Variants in SLC6A19 observed in about 807,000 individuals in gnomAD.
SLC6A19 encodes the protein sodium-dependent neutral amino acid transporter B(0)AT1.
In SLC6A19, 67 loss-of-function variants were observed where a neutral mutation model predicts 68.3. That is an observed-to-expected ratio of 0.98 (90% confidence interval 0.81 to 1.20). The LOEUF is 1.20. Among genes scored for constraint, SLC6A19 ranks in the 50% most tolerant of loss-of-function variants. The pLI, the probability that SLC6A19 is intolerant of heterozygous loss-of-function variation, is 0.00. For missense variants in SLC6A19, 813 were observed against 851.6 expected (o/e 0.95, Z 0.56); for synonymous variants, 392 against 374.9 (o/e 1.05, Z -0.53).
chr5:1,211,828 G>A (rs55641226), intron 3 of SLC6A19, among the ~76,000 whole-genome samples: 3,146 of 149,918 alleles, frequency 0.021, 54 homozygotes, highest in Non-Finnish European at 0.029. Context: ...GTGTGTGTGT[G>A]CATGTGCATG....
chr5:1,218,151 C>A (rs1017013991), intron 8 of SLC6A19, among the ~76,000 whole-genome samples: 1 of 152,240 alleles, frequency 6.6e-6, no homozygotes, highest in Non-Finnish European at 1.5e-5. Context: ...GAGCCCTCCA[C>A]AAGCCACGTC....
chr5:1,209,404 G>C lies in SLC6A19; in HGVS notation c.343+518G>C, dbSNP rs922041711. Among the ~76,000 whole-genome samples, 1 of 152,168 alleles carries C rather than the reference G, an allele frequency of 6.6e-6. No homozygotes were observed. The highest frequency in any genetic ancestry group is 6.5e-5 in the Admixed American group (1 of 15,286). On this transcript the variant is annotated intron_variant, in intron 2 of 11. Coordinates refer to ENST00000304460, the MANE Select transcript of SLC6A19 (RefSeq NM_001003841.3). The surrounding 1 kb of genome is among the most constrained non-coding windows in gnomAD (Gnocchi z 5.5). Reference sequence around the variant, plus strand: ...GACGGTGAAAGACGGAGGAGGAAAGGGCAGGGTCCACTCCAGAGAGGAGTC... The same window carrying C: ...GACGGTGAAAGACGGAGGAGGAAAGCGCAGGGTCCACTCCAGAGAGGAGTC...
rs369314798 is a variant in SLC6A19, at chr5:1,201,864, G to T, written c.202+12G>T. ...GAGCCACGGAGGAGGTAGGCTGGCC[G>T]GGCGGGGCTGCGGGCGAGGCCGTGG... On this transcript the variant is annotated intron_variant, in intron 1 of 11. Transcript: ENST00000304460. The T allele has an allele frequency of 1.8e-5, 29 of 1,606,182 alleles. No individual in the cohort carries two copies. In the African/African-American group the frequency reaches 2.9e-4, roughly 16 times the overall value.
At position 1,209,426 on chromosome 5, in the gene SLC6A19, A is replaced by G. The variant is rs113425984; in HGVS notation, c.343+540A>G. Among the ~76,000 whole-genome samples the G allele has an allele frequency of 4.6e-3, 707 of 152,154 alleles. 11 individuals are homozygous for G. The highest frequency in any genetic ancestry group is 0.016 in the African/African-American group (667 of 41,510). On this transcript the variant is annotated intron_variant, in intron 2 of 11. Coordinates refer to ENST00000304460, the MANE Select transcript of SLC6A19 (RefSeq NM_001003841.3). This position sits in a 1 kb window ranked among gnomAD's most constrained non-coding sequence, Gnocchi z 5.5. ...AAGGGCAGGGTCCACTCCAGAGAGG[A>G]GTCTGAGTCCAGGAAGCACCTGCCC...
At chr5:1,206,310 G>GTC (rs1745851027) in intron 1 of SLC6A19, among the ~76,000 whole-genome samples, 1 of 139,480 alleles carries the variant, frequency 7.2e-6, no homozygotes, top group African/African-American at 3.4e-5. Context: ...CTGTGTGTGT[G>GTC]TCTCTCTGTC....
chr5:1,221,286 G>A lies in SLC6A19; in HGVS notation c.1674G>A (p.Leu558=). 6.2e-7 allele frequency: 1 copy of A among 1,613,992 alleles called. No homozygotes were observed. ...TCGTGGTAGAGGTCAGTCAGGAGCT[G>A]ACCTACAGCATCTGGGACCCTGGCT... ...FFFVVEVSQE[L]TYSIWDPGYE... The change falls in exon 11 of 12, where the codon CTG becomes CTA. Residue 558 remains leucine (L), a synonymous_variant. Transcript: ENST00000304460.
In SLC6A19 at chr5:1,222,434, T is replaced by G. The variant is rs1746416715; in HGVS notation, c.*530T>G. 2.3e-6 allele frequency: 1 copy of G among 441,814 alleles called. No individual in the cohort carries two copies. Among genetic ancestry groups the G allele is most frequent in the African/African-American group, 2.0e-5 (1 of 50,944 alleles). 27.4% of individuals were successfully genotyped at this position (441,814 alleles called of 1,614,324 possible). On this transcript the variant is annotated 3_prime_UTR_variant, in exon 12 of 12. Coordinates refer to ENST00000304460, the MANE Select transcript of SLC6A19 (RefSeq NM_001003841.3). ...GTGTATATACATGCATGCAATTGTG[T>G]GTATGTGTGTTCTGTGTGTGCGTTT...
intron 4 of SLC6A19, among the ~76,000 whole-genome samples, chr5:1,213,214 T>C: frequency 2.0e-5 from 1 of 50,444 alleles, no homozygotes. Flanking sequence ...CCCCATCCAT[T>C]CCACATGCTC....
At position 1,221,937 on chromosome 5, in the gene SLC6A19, T is replaced by C. The variant is rs1473300855; in HGVS notation, c.*33T>C. Reference sequence around the variant, plus strand: ...CATCCCACGGCGTGCCATACACTGGTGTCAGGGAAGGAGGAACCAGCAAGA... The same window carrying C: ...CATCCCACGGCGTGCCATACACTGGCGTCAGGGAAGGAGGAACCAGCAAGA... On this transcript the variant is annotated 3_prime_UTR_variant, in exon 12 of 12. Transcript: ENST00000304460. 8.1e-6 allele frequency: 13 copies of C among 1,607,790 alleles called. No homozygotes were observed. The highest frequency in any genetic ancestry group is 1.3e-5 in the African/African-American group (1 of 74,772).
chr5:1,217,459 G>A (rs1746241945), intron 8 of SLC6A19, among the ~76,000 whole-genome samples: 2 of 152,236 alleles, frequency 1.3e-5, no homozygotes, highest in African/African-American at 2.4e-5. Context: ...ACAATTAAAG[G>A]TCGACATTTG....
At position 1,214,637 on chromosome 5, in the gene SLC6A19, T is replaced by C. The variant is rs1746154356; in HGVS notation, c.887+572T>C. On this transcript the variant is annotated intron_variant, in intron 6 of 11. Transcript: ENST00000304460. The surrounding 1 kb of genome is among the most constrained non-coding windows in gnomAD (Gnocchi z 7.4). ...CTGGTGCATCAGGACCTGCCCTCAG[T>C]GACCTGTGGCTCTGCAGGTTGACAA... Among the ~76,000 whole-genome samples, 1 of 152,176 alleles carries C rather than the reference T, an allele frequency of 6.6e-6. No homozygotes were observed.
rs1371220560 is a variant in SLC6A19, at chr5:1,219,573, TC to T, written c.1450del (p.Leu484CysfsTer38). 1.7e-5 allele frequency: 27 copies of T among 1,612,214 alleles called. No homozygotes were observed. The highest frequency in any genetic ancestry group is 2.3e-5 in the Non-Finnish European group (27 of 1,180,026). On this transcript the variant is annotated frameshift_variant, in exon 10 of 12. Transcript: ENST00000304460. LOFTEE classifies it high-confidence loss of function. ...FTLNSGQYWL[S>X]LLDSYAGSIP... ...GCTGAACTCCGGCCAGTACTGGCTCTCCCTGCTGGACAGCTATGCCGGCTCC... is the reference window on the plus strand; with the variant it reads ...GCTGAACTCCGGCCAGTACTGGCTCTCCTGCTGGACAGCTATGCCGGCTCC...
At chr5:1,205,098 T>C (rs1402642868) in intron 1 of SLC6A19, among the ~76,000 whole-genome samples, 1 of 152,176 alleles carries the variant, frequency 6.6e-6, no homozygotes, top group African/African-American at 2.4e-5. Context: ...TGCTTCCACC[T>C]GAGTGAGCCA....
At chr5:1,208,447 G>C (rs1312607945) in intron 1 of SLC6A19, among the ~76,000 whole-genome samples, 2 of 152,156 alleles carry the variant, frequency 1.3e-5, no homozygotes, top group African/African-American at 4.8e-5. Flanking sequence ...GTTGCATGTT[G>C]GTCAGAGCGC....
chr5:1,213,378 C>T, intron 4 of SLC6A19, 85 bp from the exon 5 acceptor site: 1 of 246,660 alleles, frequency 4.1e-6, no homozygotes, highest in South Asian at 2.8e-5. Flanking sequence ...GCCCCGCCCC[C>T]ATATGCCCCG....
rs533256246 is a variant in SLC6A19 at position 1,218,968 on chromosome 5, C to G, written c.1239C>G (p.Ser413=). The change falls in exon 9 of 12, where the codon TCC becomes TCG. Residue 413 remains serine (S), a synonymous_variant. Coordinates refer to ENST00000304460, the MANE Select transcript of SLC6A19 (RefSeq NM_001003841.3). ...AGGCCATCACCAAGATGCCGTTGTC[C>G]CCACTGTGGTCTGTGCTCTTCTTCA... The part of the protein sequence containing the change: ...FTEAITKMPL[S]PLWSVLFFIM... 6.2e-7 allele frequency: 1 copy of G among 1,614,108 alleles called. No homozygotes were observed. Among genetic ancestry groups the G allele is most frequent in the Non-Finnish European group, 8.5e-7 (1 of 1,180,028 alleles).
intron 1 of SLC6A19, among the ~76,000 whole-genome samples, chr5:1,205,400 CG>C (rs1420668711): frequency 7.2e-5 from 11 of 152,378 alleles, no homozygotes; most frequent in African/African-American, 2.6e-4. Context: ...TGGCTGCCTC[CG>C]GGCTGCATTT....
At position 1,201,660 on chromosome 5, in the gene SLC6A19, C is replaced by G; in HGVS notation, c.10C>G (p.Leu4Val). The G allele has an allele frequency of 2.5e-6, 4 of 1,606,786 alleles. No homozygotes were observed. The highest frequency in any genetic ancestry group is 3.4e-6 in the Non-Finnish European group (4 of 1,179,380). Residue 4 changes from leucine to valine, a missense_variant, in exon 1 of 12, where the codon CTC becomes GTC. Leu to Val is a conservative substitution (Grantham distance 32, BLOSUM62 1). Coordinates refer to ENST00000304460, the MANE Select transcript of SLC6A19 (RefSeq NM_001003841.3). ...CCGTCCAGCGACCACCATGGTGAGG[C>G]TCGTGCTGCCCAACCCCGGCCTAGA... MVR[L>V]VLPNPGLDAR...
chr5:1,210,339 C>A, intron 2 of SLC6A19, 105 bp from the exon 3 acceptor site: 1 of 1,531,888 alleles, frequency 6.5e-7, no homozygotes, highest in African/African-American at 1.4e-5. Context: ...TAGCCCATCC[C>A]AGCCACACCC....
Sources: gnomAD v4.1 joint callset for allele counts (sites outside exome capture counted in the v4.1 genomes callset) on GRCh38, gnomAD v4.1.1 for gene constraint, Gnocchi (gnomAD v3.1) non-coding constraint, MANE v1.5 for transcripts, NCBI Gene and HGNC (gene_info 2026-07-23, HGNC 2026-07-21) for gene names.